The following COL5A1 variants were observed in gnomAD, a reference collection of about 807,000 sequenced individuals.
COL5A1 encodes the protein collagen type V alpha 1 chain.
COL5A1 carries 16 observed loss-of-function variants against 263.7 expected under a neutral mutation model. The ratio of observed to expected loss-of-function variants is 0.06; its 90% CI spans 0.04 to 0.09. The LOEUF is 0.09. Among genes scored for constraint, COL5A1 ranks in the 10% least tolerant of loss-of-function variants. The probability of loss-of-function intolerance (pLI) is 1.00; values close to 1 mark genes in which losing one functional copy is unlikely to be tolerated. For missense variants in COL5A1, 2,036 were observed against 2,540.5 expected (o/e 0.80, Z 4.27); for synonymous variants, 1,012 against 1,004.5 (o/e 1.01, Z -0.14).
rs200587485 is a variant in COL5A1 at position 134,731,453 on chromosome 9, G to A, written c.1165-43G>A. On this transcript the variant is annotated intron_variant, in intron 7 of 65. Coordinates refer to ENST00000371817, the MANE Select transcript of COL5A1 (RefSeq NM_000093.5). ...GGGCCTGATGGAGAGGCAGTGCCTGGTGCGTTTGCGAGGCAACCCTGCGCC... is the reference window on the plus strand; with the variant it reads ...GGGCCTGATGGAGAGGCAGTGCCTGATGCGTTTGCGAGGCAACCCTGCGCC... The A allele has an allele frequency of 4.3e-4, 694 of 1,608,306 alleles. 5 individuals carry two copies. In the African/African-American group the frequency reaches 6.2e-3, roughly 14 times the overall value.
At chr9:134,726,613 T>G (rs1207752992) in intron 4 of COL5A1, among the ~76,000 whole-genome samples, 1 of 151,296 alleles carries the variant, frequency 6.6e-6, no homozygotes, top group African/African-American at 2.4e-5. Flanking sequence ...AATGGATGGA[T>G]GGACAGATGA....
At chr9:134,654,436 GA>G (rs1290302622) in intron 1 of COL5A1, among the ~76,000 whole-genome samples, 64 of 115,578 alleles carry the variant, frequency 5.5e-4, no homozygotes, top group Non-Finnish European at 7.9e-4. Flanking sequence ...TGTAGGGCTG[GA>G]GGTGTGTAGG....
intron 4 of COL5A1, among the ~76,000 whole-genome samples, chr9:134,718,842 G>A (rs1362150740): frequency 2.0e-5 from 3 of 152,212 alleles, no homozygotes; most frequent in African/African-American, 7.2e-5. Flanking sequence ...AAATGGGGAT[G>A]GGAGAGTGGA....
intron 61 of COL5A1, among the ~76,000 whole-genome samples, chr9:134,824,287 T>G (rs941507849): frequency 6.6e-6 from 1 of 152,216 alleles, no homozygotes; most frequent in African/African-American, 2.4e-5. Flanking sequence ...CCTCAAGGCT[T>G]GGCCTTTTGT....
rs369307703 is a variant in COL5A1 at position 134,697,662 on chromosome 9, C to A, written c.278-2247C>A. Among the ~76,000 whole-genome samples the A allele has an allele frequency of 4.3e-4, 65 of 152,250 alleles. No individual in the cohort carries two copies. The South Asian group carries it at 0.013, about 31-fold the overall frequency. ...CAGTGCCCCATGCACTCCCAGGGAT[C>A]ACGTGGGGCTGCCATGGTCCTGCTG... On this transcript the variant is annotated intron_variant, in intron 2 of 65. Transcript: ENST00000371817.
chr9:134,819,542 G>A (rs1207345711), intron 57 of COL5A1, among the ~76,000 whole-genome samples: 1 of 152,230 alleles, frequency 6.6e-6, no homozygotes, highest in Non-Finnish European at 1.5e-5. Context: ...AAGGCAGTGA[G>A]GGCCCTCTCA....
chr9:134,698,949 G>T (rs1833575718), intron 2 of COL5A1, among the ~76,000 whole-genome samples: 1 of 152,242 alleles, frequency 6.6e-6, no homozygotes, highest in Non-Finnish European at 1.5e-5. Flanking sequence ...TGTCCCTGTT[G>T]ACACCCTCCT....
intron 4 of COL5A1, among the ~76,000 whole-genome samples, chr9:134,720,463 G>T (rs916050662): frequency 3.9e-5 from 6 of 152,208 alleles, no homozygotes; most frequent in Non-Finnish European, 8.8e-5. Context: ...CTGTGAAAAT[G>T]CTCTCAGCAT....
intron 9 of COL5A1, among the ~76,000 whole-genome samples, chr9:134,735,586 A>G (rs1293869253): frequency 6.6e-6 from 1 of 152,088 alleles, no homozygotes; most frequent in African/African-American, 2.4e-5. Flanking sequence ...ACCTGGGATG[A>G]TCTGGTGTTG....
chr9:134,753,104 C>T (rs1475694526), intron 14 of COL5A1, among the ~76,000 whole-genome samples: 1 of 133,908 alleles, frequency 7.5e-6, no homozygotes, highest in East Asian at 2.2e-4. Context: ...GGAAGTCCCT[C>T]GCACAGGCTG....
At chr9:134,824,155 C>A (rs1839154418) in intron 61 of COL5A1, among the ~76,000 whole-genome samples, 2 of 152,206 alleles carry the variant, frequency 1.3e-5, no homozygotes, top group South Asian at 4.1e-4. Context: ...CTCCCATCGT[C>A]ATCTTAGCTG....
intron 52 of COL5A1, among the ~76,000 whole-genome samples, chr9:134,816,620 G>A (rs1838755041): frequency 6.6e-6 from 1 of 152,248 alleles, no homozygotes; most frequent in Admixed American, 6.5e-5. Flanking sequence ...TAGGGATCTA[G>A]CCTCGGGCTG....
At chr9:134,760,197 CCA>C (rs1423435712) in intron 18 of COL5A1, among the ~76,000 whole-genome samples, 1 of 134,332 alleles carries the variant, frequency 7.4e-6, no homozygotes, top group Non-Finnish European at 1.6e-5. Flanking sequence ...CCCCACACCC[CCA>C]CACTCATACA....
intron 1 of COL5A1, among the ~76,000 whole-genome samples, chr9:134,683,646 C>G (rs1237632067): frequency 6.6e-6 from 1 of 152,186 alleles, no homozygotes; most frequent in Non-Finnish European, 1.5e-5. Context: ...CGGCTGAGTG[C>G]CCAGTGTGTG....
In COL5A1 at chr9:134,823,445, C is replaced by A; in HGVS notation, c.4674C>A (p.Gly1558=). The change falls in exon 61 of 66, where the codon GGC becomes GGA. Residue 1558 remains glycine, a synonymous_variant. Transcript: ENST00000371817. ...SGPTGPKGEA[G]HPGPPGPPGP... is the part of the protein sequence containing the mutation. ...CAACTGGCCCGAAGGGTGAGGCAGG[C>A]CACCCAGGACCCCCAGGCCCCCCGG... 6.2e-7 allele frequency: 1 copy of A among 1,614,178 alleles called. No individual in the cohort carries two copies. The highest frequency in any genetic ancestry group is 1.3e-5 in the African/African-American group (1 of 75,032).
intron 11 of COL5A1, among the ~76,000 whole-genome samples, chr9:134,748,380 C>A (rs1409365453): frequency 6.6e-6 from 1 of 152,204 alleles, no homozygotes; most frequent in Admixed American, 6.5e-5. Context: ...CTTACATTCA[C>A]ACATGCACAC....
Position 134,696,096 on chromosome 9 carries a change from C to T in COL5A1, c.278-3813C>T, listed in dbSNP as rs1833452014. ...TTCCTGGCCCCCTGTCCAAAGTTAG[C>T]CACACCCCGCATTCATTTCCTATCC... On this transcript the variant is annotated intron_variant, in intron 2 of 65. Coordinates refer to ENST00000371817, the MANE Select transcript of COL5A1 (RefSeq NM_000093.5). The surrounding 1 kb of genome is among the most constrained non-coding windows in gnomAD (Gnocchi z 4.3). Among the ~76,000 whole-genome samples the T allele has an allele frequency of 6.6e-6, 1 of 152,132 alleles. No individual in the cohort carries two copies. Among genetic ancestry groups the T allele is most frequent in the African/African-American group, 2.4e-5 (1 of 41,418 alleles).
chr9:134,782,859 G>A, intron 29 of COL5A1, 139 bp downstream of exon 29: 1 of 862,162 alleles, frequency 1.2e-6, no homozygotes. Flanking sequence ...CTGGTGGGAA[G>A]GGGACAGTGG....
At chr9:134,773,938 C>T (rs1376436513) in intron 26 of COL5A1, among the ~76,000 whole-genome samples, 1 of 152,204 alleles carries the variant, frequency 6.6e-6, no homozygotes. Context: ...TTCCCGCTGC[C>T]TCCAGTGGGG....
Sources: gnomAD v4.1 joint callset for allele counts (sites outside exome capture counted in the v4.1 genomes callset) on GRCh38, gnomAD v4.1.1 for gene constraint, Gnocchi (gnomAD v3.1) non-coding constraint, MANE v1.5 for transcripts, NCBI Gene and HGNC (gene_info 2026-07-23, HGNC 2026-07-21) for gene names.